The following TECTA variants were observed in gnomAD, a reference collection of about 807,000 sequenced individuals.
The protein encoded by TECTA is tectorin alpha, also known as alpha-tectorin.
In TECTA, 128 loss-of-function variants were observed where a neutral mutation model predicts 216.8. The ratio of observed to expected loss-of-function variants is 0.59; its 90% confidence interval spans 0.51 to 0.68. The LOEUF (loss-of-function observed/expected upper bound fraction) is 0.68, where lower values mean the gene tolerates loss of function less well. TECTA is among the 30% of genes least tolerant of loss of function. TECTA has a pLI of 0.00. For synonymous variants in TECTA, 1,089 were observed against 1,117.1 expected (o/e 0.97, Z 0.50); for missense variants, 2,551 against 2,786.2 (o/e 0.92, Z 1.90).
chr11:121,179,974 G>GTTTT (rs368080288), intron 20 of TECTA, among the ~76,000 whole-genome samples: 4 of 120,682 alleles, frequency 3.3e-5, no homozygotes, highest in South Asian at 2.5e-4. Flanking sequence ...TTGTTTGTTT[G>GTTTT]TTTTTTTTTT....
At chr11:121,166,520 C>T in intron 17 of TECTA, 58 bp from the exon 18 acceptor site, 1 of 1,569,664 alleles carries the variant, frequency 6.4e-7, no homozygotes, top group South Asian at 1.1e-5. Context: ...GCTTTGCTCC[C>T]ACTCCTGCAG....
intron 23 of TECTA, 185 bp downstream of exon 23, chr11:121,190,065 C>CA (rs1205460449): frequency 1.3e-5 from 8 of 604,740 alleles, no homozygotes; most frequent in African/African-American, 3.7e-5. Context: ...AACAAACAAA[C>CA]AACAACAACA....
chr11:121,110,621 G>C (rs974046461), intron 4 of TECTA: 1 of 152,172 alleles, frequency 6.6e-6, no homozygotes, highest in Admixed American at 6.5e-5. Context: ...GTTATAGATC[G>C]CTAACGACTC....
Position 121,130,145 on chromosome 11 carries a change from C to T in TECTA, c.2875C>T (p.Arg959Trp), listed in dbSNP as rs186684402. The change falls in exon 10 of 24, where the codon CGG becomes TGG. Residue 959 changes from arginine (R) to tryptophan (W), a missense_variant. By Grantham distance (101) the Arg-to-Trp change is moderately radical. Coordinates refer to ENST00000392793, the MANE Select transcript of TECTA (RefSeq NM_005422.4). ...NESELCDSVA[R>W]YASACKNADV... is the part of the protein sequence containing the mutation. ...GTCAGAGCTCTGTGACTCTGTGGCC[C>T]GGTATGCAAGCGCCTGCAAGAATGC... The T allele has an allele frequency of 4.0e-5, 65 of 1,609,220 alleles. No individual in the cohort carries two copies. Among genetic ancestry groups the T allele is most frequent in the South Asian group, 9.9e-5 (9 of 91,078 alleles).
In TECTA at chr11:121,145,894, T is replaced by C; in HGVS notation, c.3883T>C (p.Ser1295Pro). 6.2e-7 allele frequency: 1 copy of C among 1,614,242 alleles called. No homozygotes were observed. Among genetic ancestry groups the C allele is most frequent in the Non-Finnish European group, 8.5e-7 (1 of 1,180,036 alleles). ...GTCCTGTGCCAAGGTGGAAGGTTTC[T>C]CCAAAGTGCAGCAGCTGTGCAGCCT... ...CPSCAKVEGF[S>P]KVQQLCSLIP... The change falls in exon 12 of 24, where the codon TCC becomes CCC. Residue 1295 changes from serine (S) to proline (P), a missense_variant. Coordinates refer to ENST00000392793, the MANE Select transcript of TECTA (RefSeq NM_005422.4).
At chr11:121,157,727 AG>A in intron 13 of TECTA, 113 bp from the exon 14 acceptor site, 1 of 1,483,226 alleles carries the variant, frequency 6.7e-7, no homozygotes, top group Non-Finnish European at 9.4e-7. Context: ...TACAAATTCC[AG>A]CCCCATTAAA....
chr11:121,157,431 A>G (rs989726548), intron 13 of TECTA, among the ~76,000 whole-genome samples: 1 of 152,126 alleles, frequency 6.6e-6, no homozygotes, highest in African/African-American at 2.4e-5. Flanking sequence ...CGTCTCTACA[A>G]AAAATACAAA....
intron 20 of TECTA, among the ~76,000 whole-genome samples, chr11:121,177,317 T>C (rs953716261): frequency 5.3e-5 from 8 of 152,194 alleles, no homozygotes; most frequent in African/African-American, 1.7e-4. Flanking sequence ...TATCTACTTT[T>C]GGTCTTTGAT....
chr11:121,133,997 T>G (rs562085520), intron 10 of TECTA, among the ~76,000 whole-genome samples: 1 of 152,358 alleles, frequency 6.6e-6, no homozygotes, highest in South Asian at 2.1e-4. Context: ...ATATTTCATC[T>G]ATATTTCATC....
At chr11:121,114,250 CA>C (rs1208791497) in intron 6 of TECTA, among the ~76,000 whole-genome samples, 3 of 152,150 alleles carry the variant, frequency 2.0e-5, no homozygotes, top group Non-Finnish European at 4.4e-5. Context: ...CCAGCATCAG[CA>C]AAACGTGCAG....
rs756057050 is a variant in TECTA, at chr11:121,145,578, G to C, written c.3567G>C (p.Leu1189=). Residue 1189 remains leucine, a synonymous_variant, in exon 12 of 24, where the codon CTG becomes CTC. Coordinates refer to ENST00000392793, the MANE Select transcript of TECTA (RefSeq NM_005422.4). ...AGGTCAACAGTGAACGGCTCTATCT[G>C]CCCCTGAAGCTGGGGCAAGGGAAGA... is the stretch of plus-strand genomic sequence containing the variant. ...TVLVNSERLY[L]PLKLGQGKIN... The C allele has an allele frequency of 2.5e-6, 4 of 1,614,062 alleles. No homozygotes were observed. The highest frequency in any genetic ancestry group is 2.7e-5 in the African/African-American group (2 of 74,908).
At chr11:121,112,976 G>A in intron 4 of TECTA, 96 bp from the exon 5 acceptor site, 6 of 1,519,408 alleles carry the variant, frequency 3.9e-6, no homozygotes, top group Non-Finnish European at 5.4e-6. Context: ...TGAGCTGCCT[G>A]TGGGTGGGGA....
chr11:121,179,614 G>A (rs1565539316), intron 20 of TECTA, among the ~76,000 whole-genome samples: 1 of 151,926 alleles, frequency 6.6e-6, no homozygotes, highest in East Asian at 1.9e-4. Context: ...TTGAGAGTAG[G>A]GTGTTAAATT....
rs746471221 is a variant in TECTA at position 121,118,355 on chromosome 11, C to T, written c.840C>T (p.Thr280=). Residue 280 remains threonine (T), a synonymous_variant, in exon 7 of 24, where the codon ACC becomes ACT. Transcript: ENST00000392793. ...GEVFWDDLNC[T]VKCRCLDFNN... Reference sequence around the variant, plus strand: ...TGTTTTGGGATGACTTGAACTGCACCGTCAAGTGCCGCTGTCTGGATTTCA... The same window carrying T: ...TGTTTTGGGATGACTTGAACTGCACTGTCAAGTGCCGCTGTCTGGATTTCA... 1.7e-5 allele frequency: 28 copies of T among 1,614,038 alleles called. No homozygotes were observed. The East Asian group carries it at 4.5e-4, about 26-fold the overall frequency.
chr11:121,113,183 A>G lies in TECTA; in HGVS notation c.598A>G (p.Thr200Ala), dbSNP rs1946459052. ...TGTASGGDPL[T>A]GLGGVMAQAG... ...GACGGCGAGTGGCGGCGACCCCCTG[A>G]CAGGTCTTGGTGGAGTGATGGCACA... is the stretch of plus-strand genomic sequence containing the variant. The change falls in exon 5 of 24, where the codon ACA (threonine) becomes GCA (alanine). Residue 200 changes from threonine to alanine, a missense_variant. By Grantham distance (58) the Thr-to-Ala change is moderately conservative. Coordinates refer to ENST00000392793, the MANE Select transcript of TECTA (RefSeq NM_005422.4). This position sits in a 1 kb window ranked among gnomAD's most constrained non-coding sequence, Gnocchi z 4.2. The G allele has an allele frequency of 1.2e-6, 2 of 1,613,826 alleles. No individual in the cohort carries two copies. Among genetic ancestry groups the G allele is most frequent in the South Asian group, 1.1e-5 (1 of 91,016 alleles).
Position 121,118,409 on chromosome 11 carries a change from C to T in TECTA, c.894C>T (p.Ser298=), listed in dbSNP as rs140392725. Residue 298 remains serine, a synonymous_variant, in exon 7 of 24, where the codon TCC becomes TCT. Coordinates refer to ENST00000392793, the MANE Select transcript of TECTA (RefSeq NM_005422.4). ...ATGAGATCTACTGCCAGGAGGCTTC[C>T]TGTAGCCCCTACGAGGTGTGCGAAC... ...FNNEIYCQEA[S]CSPYEVCEPK... 1.2e-6 allele frequency: 2 copies of T among 1,614,192 alleles called. No individual in the cohort carries two copies. The highest frequency in any genetic ancestry group is 8.5e-7 in the Non-Finnish European group (1 of 1,180,042).
In TECTA at chr11:121,113,505, A is replaced by G. The variant is rs1317613130; in HGVS notation, c.625-48A>G. ...ATAAGGTAGTTGGGCCAGTTAACCC[A>G]TGGGGAATTTTTGTACTCAAAAATC... On this transcript the variant is annotated intron_variant, in intron 5 of 23. Transcript: ENST00000392793. The surrounding 1 kb of genome is among the most constrained non-coding windows in gnomAD (Gnocchi z 4.2). 3 of 1,612,770 alleles carry G rather than the reference A, an allele frequency of 1.9e-6. No individual in the cohort carries two copies. Among genetic ancestry groups the G allele is most frequent in the Non-Finnish European group, 2.5e-6 (3 of 1,178,950 alleles).
intron 10 of TECTA, among the ~76,000 whole-genome samples, chr11:121,131,039 C>G (rs1203823827): frequency 2.6e-5 from 4 of 151,392 alleles, no homozygotes; most frequent in African/African-American, 4.9e-5. Context: ...ATGGGGAAAC[C>G]CTGTCTCTAC....
chr11:121,152,961 A>G lies in TECTA; in HGVS notation c.4186A>G (p.Ser1396Gly), dbSNP rs1946905853. The G allele has an allele frequency of 6.2e-7, 1 of 1,613,856 alleles. No individual in the cohort carries two copies. Among genetic ancestry groups the G allele is most frequent in the Non-Finnish European group, 8.5e-7 (1 of 1,179,946 alleles). ...CCGCTGCGCCGCCATCCGCCTGAAG[A>G]GTGACTGCAGCCACTACTGCGTGGA... The part of the protein sequence containing the change: ...QPRCAAIRLK[S>G]DCSHYCVEGC... The change falls in exon 13 of 24, where the codon AGT becomes GGT. Residue 1396 changes from serine to glycine, a missense_variant. By Grantham distance (56) the Ser-to-Gly change is moderately conservative (BLOSUM62 0). Coordinates refer to ENST00000392793, the MANE Select transcript of TECTA (RefSeq NM_005422.4).
Sources: allele counts gnomAD v4.1 joint callset (sites outside exome capture counted in the v4.1 genomes callset), GRCh38; gene constraint gnomAD v4.1.1; non-coding constraint Gnocchi (gnomAD v3.1); transcripts MANE v1.5; gene names NCBI Gene and HGNC (gene_info 2026-07-23, HGNC 2026-07-21).